The following COL8A1 variants were observed in gnomAD, a reference collection of about 807,000 sequenced individuals.
The protein encoded by COL8A1 is collagen type VIII alpha 1 chain, also known as collagen alpha-1(VIII) chain.
In COL8A1, 21 loss-of-function variants were observed where a neutral mutation model predicts 42.7. The ratio of observed to expected loss-of-function variants is 0.49; its 90% CI spans 0.35 to 0.71. The LOEUF (loss-of-function observed/expected upper bound fraction) is 0.71, where lower values mean the gene tolerates loss of function less well. Among genes scored for constraint, COL8A1 ranks in the 30% least tolerant of loss-of-function variants. The pLI is 0.01. For synonymous variants in COL8A1, 367 were observed against 369.1 expected, an observed-to-expected ratio of 0.99 and a Z score of 0.06; for missense variants, 788 against 962.4, an observed-to-expected ratio of 0.82 and a Z score of 2.40.
At chr3:99,656,779 A>G (rs1938035275) in intron 1 of COL8A1, among the ~76,000 whole-genome samples, 2 of 152,232 alleles carry the variant, frequency 1.3e-5, no homozygotes, top group Admixed American at 1.3e-4. Context: ...TGCATAAAAA[A>G]CTAGTAGTTA....
intron 1 of COL8A1, among the ~76,000 whole-genome samples, chr3:99,686,188 A>T (rs1328762331): frequency 3.3e-5 from 5 of 152,132 alleles, no homozygotes; most frequent in African/African-American, 1.2e-4. Context: ...ATAATAATAG[A>T]ACCATTTTTT....
At chr3:99,653,454 TC>T in intron 1 of COL8A1, among the ~76,000 whole-genome samples, 1 of 152,024 alleles carries the variant, frequency 6.6e-6, no homozygotes. Context: ...TGGCAACAGT[TC>T]AATCTCCCCA....
At chr3:99,650,821 T>A (rs868666096) in intron 1 of COL8A1, among the ~76,000 whole-genome samples, 8 of 152,222 alleles carry the variant, frequency 5.3e-5, no homozygotes, top group African/African-American at 9.6e-5. Context: ...GATACTATAT[T>A]GAACAAGAAA....
intron 2 of COL8A1, among the ~76,000 whole-genome samples, chr3:99,787,857 T>TACAC (rs76817799): frequency 0.67 from 99,684 of 148,752 alleles, 33,238 homozygotes; most frequent in East Asian, 0.87. Flanking sequence ...AGAACACAAA[T>TACAC]ACACACACAC....
chr3:99,669,809 A>T (rs1341962313), intron 1 of COL8A1, among the ~76,000 whole-genome samples: 1 of 152,074 alleles, frequency 6.6e-6, no homozygotes, highest in Non-Finnish European at 1.5e-5. Context: ...CAAAGTTTAT[A>T]TTTCATTTCT....
intron 1 of COL8A1, among the ~76,000 whole-genome samples, chr3:99,689,354 A>G (rs1205964251): frequency 2.0e-5 from 3 of 152,228 alleles, no homozygotes; most frequent in African/African-American, 4.8e-5. Context: ...CCTTAGTGGC[A>G]GGAATCAAGT....
chr3:99,725,107 T>C (rs1285309479), intron 1 of COL8A1, among the ~76,000 whole-genome samples: 1 of 152,070 alleles, frequency 6.6e-6, no homozygotes, highest in Non-Finnish European at 1.5e-5. Context: ...TGAAAGAGGC[T>C]TAATTTAGAG....
chr3:99,705,779 C>T (rs546059755), intron 1 of COL8A1, among the ~76,000 whole-genome samples: 4 of 152,032 alleles, frequency 2.6e-5, no homozygotes, highest in East Asian at 1.9e-4. Context: ...CCTGCCCCCC[C>T]GGTATGATAT....
At chr3:99,778,065 TG>T (rs752007260) in intron 2 of COL8A1, among the ~76,000 whole-genome samples, 29 of 152,166 alleles carry the variant, frequency 1.9e-4, no homozygotes, top group Non-Finnish European at 3.1e-4. Context: ...AGAAAAGAAT[TG>T]TGGAACTTTG....
intron 2 of COL8A1, among the ~76,000 whole-genome samples, chr3:99,784,420 G>T (rs1406547770): frequency 6.6e-6 from 1 of 152,184 alleles, no homozygotes; most frequent in African/African-American, 2.4e-5. Flanking sequence ...ACAGGAATAT[G>T]TTCTGAGAGA....
In COL8A1 at chr3:99,754,939, T is replaced by C. The variant is rs149499129; in HGVS notation, c.-4+9918T>C. Among the ~76,000 whole-genome samples the C allele has an allele frequency of 1.9e-4, 29 of 152,276 alleles. 1 individual carries two copies. The East Asian group carries it at 5.2e-3, about 27-fold the overall frequency. On this transcript the variant is annotated intron_variant, in intron 2 of 3. Coordinates refer to ENST00000652472, the MANE Select transcript of COL8A1 (RefSeq NM_020351.4). ...AGACTTGCTGGCATCAAATTCATGGTAATGAAGGAAAAATAAACATAGAGT... is the reference window on the plus strand; with the variant it reads ...AGACTTGCTGGCATCAAATTCATGGCAATGAAGGAAAAATAAACATAGAGT...
At chr3:99,667,474 G>T (rs532551451) in intron 1 of COL8A1, among the ~76,000 whole-genome samples, 287 of 152,200 alleles carry the variant, frequency 1.9e-3, no homozygotes, top group Non-Finnish European at 2.9e-3. Flanking sequence ...TCAGATACAG[G>T]TTGTACAGCT....
chr3:99,795,043 G>C lies in COL8A1; in HGVS notation c.1142G>C (p.Gly381Ala). The C allele has an allele frequency of 6.2e-7, 1 of 1,609,046 alleles. No homozygotes were observed. The highest frequency in any genetic ancestry group is 1.1e-5 in the South Asian group (1 of 90,612). The change falls in exon 4 of 4, where the codon GGT (glycine) becomes GCT (alanine). Residue 381 changes from glycine (G) to alanine (A), a missense_variant. Transcript: ENST00000652472. ...LGPRGEKGPIGAPGIGGPPGE... is the reference protein window; with the variant it reads ...LGPRGEKGPIAAPGIGGPPGE... ...CCAAGAGGGGAGAAAGGACCAATAG[G>C]TGCCCCAGGAATAGGGGGTCCTCCA...
At chr3:99,702,023 A>G (rs1939554869) in intron 1 of COL8A1, among the ~76,000 whole-genome samples, 1 of 152,162 alleles carries the variant, frequency 6.6e-6, no homozygotes, top group African/African-American at 2.4e-5. Context: ...CTATGCATGA[A>G]CCTAAGAAGT....
intron 2 of COL8A1, among the ~76,000 whole-genome samples, chr3:99,771,428 C>CT (rs1427953346): frequency 6.6e-6 from 1 of 152,138 alleles, no homozygotes; most frequent in African/African-American, 2.4e-5. Context: ...AATGCAATGA[C>CT]TGAGAAGTCA....
rs1234926449 is a variant in COL8A1, at chr3:99,794,012, A to G, written c.329-218A>G. On this transcript the variant is annotated intron_variant, in intron 3 of 3. Transcript: ENST00000652472. The surrounding 1 kb of genome is among the most constrained non-coding windows in gnomAD (Gnocchi z 4.3). The stretch of plus-strand genomic sequence containing the variant: ...GGTGATGCATCTGCCTGGGCCTCCC[A>G]AAGTTGTAGGATTACAGGCACGAGC... Among the ~76,000 whole-genome samples the G allele has an allele frequency of 6.6e-6, 1 of 152,174 alleles. No homozygotes were observed. Among genetic ancestry groups the G allele is most frequent in the Non-Finnish European group, 1.5e-5 (1 of 68,028 alleles).
At chr3:99,642,534 T>C (rs1288950745) in intron 1 of COL8A1, among the ~76,000 whole-genome samples, 2 of 152,224 alleles carry the variant, frequency 1.3e-5, no homozygotes. Context: ...ATGTAAAATA[T>C]GAACACACAC....
chr3:99,790,853 A>G lies in COL8A1; in HGVS notation c.171A>G (p.Gln57=), dbSNP rs1387195004. ...CACAATACCAGCCCCTGGGTCAGCA[A>G]GTACCTCACATGCCTTTGGCCAAAG... ...QIPQYQPLGQ[Q]VPHMPLAKDG... The change falls in exon 3 of 4, where the codon CAA becomes CAG. Residue 57 remains glutamine (Q), a synonymous_variant. Transcript: ENST00000652472. 5.0e-6 allele frequency: 8 copies of G among 1,614,154 alleles called. No homozygotes were observed. The Admixed American group carries it at 8.3e-5, about 17-fold the overall frequency.
At chr3:99,773,249 T>C (rs13100689) in intron 2 of COL8A1, among the ~76,000 whole-genome samples, 12,082 of 152,268 alleles carry the variant, frequency 0.079, 576 homozygotes, top group Middle Eastern at 0.11. Flanking sequence ...ATATGTGTTG[T>C]TTGAATTGTT....
Sources: gnomAD v4.1 joint callset for allele counts (sites outside exome capture counted in the v4.1 genomes callset) on GRCh38, gnomAD v4.1.1 for gene constraint, Gnocchi (gnomAD v3.1) non-coding constraint, MANE v1.5 for transcripts, NCBI Gene and HGNC (gene_info 2026-07-23, HGNC 2026-07-21) for gene names.